ASAP2: variants seen among roughly 807,000 people sequenced by gnomAD.
ASAP2 encodes the protein arf-GAP with SH3 domain, ANK repeat and PH domain-containing protein 2.
In ASAP2, 45 loss-of-function variants were observed where a neutral mutation model predicts 131.4. That is an observed-to-expected ratio of 0.34 (90% CI 0.27 to 0.44). The LOEUF (loss-of-function observed/expected upper bound fraction) is 0.44. ASAP2 is among the 20% of genes least tolerant of loss of function. ASAP2 has a pLI of 1.00. For missense variants in ASAP2, 1,011 were observed against 1,297.0 expected, an observed-to-expected ratio of 0.78 and a Z score of 3.39; for synonymous variants, 510 against 503.0, an observed-to-expected ratio of 1.01 and a Z score of -0.19.
chr2:9,223,124 GC>G (rs935260990), intron 1 of ASAP2, among the ~76,000 whole-genome samples: 10 of 152,238 alleles, frequency 6.6e-5, no homozygotes, highest in African/African-American at 2.2e-4. Context: ...TTTAAAGTTG[GC>G]CTCCTTTCCT....
At chr2:9,256,846 C>T (rs771502049) in intron 1 of ASAP2, among the ~76,000 whole-genome samples, 1 of 152,176 alleles carries the variant, frequency 6.6e-6, no homozygotes, top group African/African-American at 2.4e-5. Flanking sequence ...AAGCACTGAC[C>T]GAGAGTCAGT....
chr2:9,245,645 C>A (rs1664286513), intron 1 of ASAP2, among the ~76,000 whole-genome samples: 2 of 152,186 alleles, frequency 1.3e-5, no homozygotes, highest in Non-Finnish European at 2.9e-5. Context: ...CTACTGGGTG[C>A]TGGTGCTGCG....
At chr2:9,236,654 G>A (rs1663572392) in intron 1 of ASAP2, among the ~76,000 whole-genome samples, 1 of 152,116 alleles carries the variant, frequency 6.6e-6, no homozygotes, top group South Asian at 2.1e-4. Context: ...AAAAGCAACT[G>A]TTATCTGTTA....
At chr2:9,354,858 T>G (rs1672593799) in intron 12 of ASAP2, among the ~76,000 whole-genome samples, 1 of 152,200 alleles carries the variant, frequency 6.6e-6, no homozygotes, top group Non-Finnish European at 1.5e-5. Context: ...AGGTGGCGTG[T>G]CCACTCACTT....
At chr2:9,218,086 A>G (rs1662178302) in intron 1 of ASAP2, among the ~76,000 whole-genome samples, 1 of 152,142 alleles carries the variant, frequency 6.6e-6, no homozygotes, top group African/African-American at 2.4e-5. Flanking sequence ...TCCCACAACC[A>G]GCATTTGATA....
At chr2:9,395,360 A>G (rs1041698891) in intron 24 of ASAP2, among the ~76,000 whole-genome samples, 1 of 151,962 alleles carries the variant, frequency 6.6e-6, no homozygotes, top group Non-Finnish European at 1.5e-5. Flanking sequence ...CTGTAATCCC[A>G]GCTACTCAGG....
At chr2:9,309,065 C>T (rs764078878) in intron 3 of ASAP2, among the ~76,000 whole-genome samples, 43 of 152,182 alleles carry the variant, frequency 2.8e-4, no homozygotes, top group Non-Finnish European at 5.7e-4. Flanking sequence ...TCCCCCAGGT[C>T]CTCATGTGGC....
chr2:9,224,392 G>T (rs1662624568), intron 1 of ASAP2, among the ~76,000 whole-genome samples: 1 of 152,214 alleles, frequency 6.6e-6, no homozygotes, highest in Non-Finnish European at 1.5e-5. Context: ...CCAACATGAT[G>T]CCTAGCATAC....
At chr2:9,368,092 A>G (rs532846871) in intron 15 of ASAP2, among the ~76,000 whole-genome samples, 1 of 152,314 alleles carries the variant, frequency 6.6e-6, no homozygotes, top group African/African-American at 2.4e-5. Flanking sequence ...TGTGAAATAG[A>G]TTCACTTTGG....
At chr2:9,253,546 G>A (rs1214941984) in intron 1 of ASAP2, among the ~76,000 whole-genome samples, 3 of 152,144 alleles carry the variant, frequency 2.0e-5, no homozygotes, top group African/African-American at 4.8e-5. Flanking sequence ...GCAGAGTGCC[G>A]TCACGCAGAA....
intron 2 of ASAP2, among the ~76,000 whole-genome samples, chr2:9,294,672 C>A (rs1041150478): frequency 7.9e-5 from 12 of 152,212 alleles, no homozygotes; most frequent in Admixed American, 4.6e-4. Context: ...GAAGTCCCTT[C>A]CCTTTGGGTG....
intron 11 of ASAP2, among the ~76,000 whole-genome samples, chr2:9,347,805 G>A (rs1448210361): frequency 6.6e-6 from 1 of 152,176 alleles, no homozygotes; most frequent in Non-Finnish European, 1.5e-5. Context: ...TACACTGGAA[G>A]GAATGTCCAC....
intron 3 of ASAP2, among the ~76,000 whole-genome samples, chr2:9,300,477 G>T (rs1007032585): frequency 1.3e-5 from 2 of 152,252 alleles, no homozygotes; most frequent in African/African-American, 4.8e-5. Flanking sequence ...ACCACCCTGT[G>T]GCTTTGCCAG....
chr2:9,377,272 C>A (rs1450704519), intron 18 of ASAP2, among the ~76,000 whole-genome samples: 1 of 152,192 alleles, frequency 6.6e-6, no homozygotes, highest in Non-Finnish European at 1.5e-5. Flanking sequence ...CTTGGGGACC[C>A]CATGACCACC....
At chr2:9,317,602 G>T (rs555816757) in intron 3 of ASAP2, among the ~76,000 whole-genome samples, 1 of 124,742 alleles carries the variant, frequency 8.0e-6, no homozygotes, top group Non-Finnish European at 1.7e-5. Context: ...TCACATTCAC[G>T]CACTCACATC....
intron 3 of ASAP2, among the ~76,000 whole-genome samples, chr2:9,300,115 C>T (rs547074145): frequency 6.6e-6 from 1 of 152,330 alleles, no homozygotes; most frequent in South Asian, 2.1e-4. Flanking sequence ...CGGCTGTAGT[C>T]CCTGCTACTC....
At chr2:9,310,868 T>G (rs1669248712) in intron 3 of ASAP2, among the ~76,000 whole-genome samples, 1 of 152,244 alleles carries the variant, frequency 6.6e-6, no homozygotes, top group South Asian at 2.1e-4. Flanking sequence ...CTCTGTGCCT[T>G]CTGGCCTATC....
intron 5 of ASAP2, among the ~76,000 whole-genome samples, chr2:9,321,936 T>G (rs749514452): frequency 6.6e-6 from 1 of 152,178 alleles, no homozygotes; most frequent in African/African-American, 2.4e-5. Context: ...CAAGAGGTTT[T>G]GTGATATGTA....
intron 3 of ASAP2, among the ~76,000 whole-genome samples, chr2:9,301,169 A>G (rs1212138939): frequency 3.9e-5 from 6 of 152,216 alleles, no homozygotes; most frequent in Non-Finnish European, 8.8e-5. Flanking sequence ...AAAACATTTC[A>G]GTTCTGTCTG....
Sources: allele counts gnomAD v4.1 joint callset (sites outside exome capture counted in the v4.1 genomes callset), GRCh38; gene constraint gnomAD v4.1.1; transcripts MANE v1.5; gene names NCBI Gene and HGNC (gene_info 2026-07-23, HGNC 2026-07-21).